The following SLC17A8 variants were observed in gnomAD, a reference collection of about 807,000 sequenced individuals.
SLC17A8 encodes solute carrier family 17 member 8, also known as vesicular glutamate transporter 3.
Under a neutral mutation model 58.0 loss-of-function variants are expected in SLC17A8, and 31 were observed. That is an observed-to-expected ratio of 0.53 (90% CI 0.40 to 0.72). The LOEUF (loss-of-function observed/expected upper bound fraction) is 0.72. Among genes scored for constraint, SLC17A8 ranks in the 30% least tolerant of loss-of-function variants. The probability of loss-of-function intolerance (pLI) is 0.00; values close to 1 mark genes in which losing one functional copy is unlikely to be tolerated. For synonymous variants in SLC17A8, 228 were observed against 249.0 expected, an observed-to-expected ratio of 0.92 and a Z score of 0.79; for missense variants, 655 against 727.8, an observed-to-expected ratio of 0.90 and a Z score of 1.15.
intron 5 of SLC17A8, among the ~76,000 whole-genome samples, chr12:100,397,013 C>T (rs1189009139): frequency 6.6e-6 from 1 of 152,076 alleles, no homozygotes; most frequent in Non-Finnish European, 1.5e-5. Context: ...AAAAGCTTTC[C>T]CAAAGCCCCC....
chr12:100,380,889 G>T lies in SLC17A8; in HGVS notation c.290G>T (p.Gly97Val), dbSNP rs1038874295. 6.2e-7 allele frequency: 1 copy of T among 1,614,024 alleles called. No individual in the cohort carries two copies. Among genetic ancestry groups the T allele is most frequent in the Non-Finnish European group, 8.5e-7 (1 of 1,180,062 alleles). The change falls in exon 2 of 12, where the codon GGA (glycine) becomes GTA (valine). Residue 97 changes from glycine to valine, a missense_variant. Physicochemically the swap from Gly to Val is moderately radical, Grantham distance 109 (BLOSUM62 -3). Coordinates refer to ENST00000323346, the MANE Select transcript of SLC17A8 (RefSeq NM_139319.3). ...TCCTTTGGGATCCGGTGCAATCTTG[G>T]AGTTGCCATTGTGGAAATGGTCAAC... ...CISFGIRCNL[G>V]VAIVEMVNNS...
intron 1 of SLC17A8, among the ~76,000 whole-genome samples, chr12:100,379,891 G>T (rs1034184964): frequency 1.3e-5 from 2 of 151,968 alleles, no homozygotes; most frequent in Non-Finnish European, 2.9e-5. Flanking sequence ...CCTCCACTTA[G>T]TATTTTATTA....
chr12:100,374,153 C>T (rs977273055), intron 1 of SLC17A8, among the ~76,000 whole-genome samples: 3 of 152,114 alleles, frequency 2.0e-5, no homozygotes, highest in African/African-American at 7.2e-5. Flanking sequence ...TTATTTGCCC[C>T]CAAGTCACAC....
chr12:100,408,212 A>G (rs1312759072), intron 9 of SLC17A8, among the ~76,000 whole-genome samples: 1 of 152,216 alleles, frequency 6.6e-6, no homozygotes, highest in African/African-American at 2.4e-5. Flanking sequence ...TTATTTCCAT[A>G]GATTTTAATA....
intron 1 of SLC17A8, among the ~76,000 whole-genome samples, chr12:100,370,612 T>TAAA (rs61103377): frequency 0.01 from 1,293 of 126,946 alleles, 24 homozygotes; most frequent in African/African-American, 0.033. Flanking sequence ...ATCTAAATTC[T>TAAA]AAAAAAAAAA....
chr12:100,386,270 A>AT (rs1952673585), intron 2 of SLC17A8, among the ~76,000 whole-genome samples: 1 of 152,154 alleles, frequency 6.6e-6, no homozygotes, highest in Admixed American at 6.5e-5. Flanking sequence ...ATACAGGGCC[A>AT]TTTTTTTAAA....
intron 1 of SLC17A8, among the ~76,000 whole-genome samples, chr12:100,362,319 G>C (rs1952490134): frequency 6.6e-6 from 1 of 152,198 alleles, no homozygotes; most frequent in African/African-American, 2.4e-5. Flanking sequence ...AGCAGGAAGA[G>C]ATGTGTTTGG....
At chr12:100,378,498 TAGG>T (rs1434573506) in intron 1 of SLC17A8, among the ~76,000 whole-genome samples, 1 of 151,670 alleles carries the variant, frequency 6.6e-6, no homozygotes, top group African/African-American at 2.4e-5. Context: ...AAATGAGAAA[TAGG>T]AGGATAACTG....
At position 100,403,472 on chromosome 12, in the gene SLC17A8, A is replaced by T. The variant is rs185501342; in HGVS notation, c.1054-566A>T. Among the ~76,000 whole-genome samples the T allele has an allele frequency of 4.1e-3, 619 of 152,238 alleles. 6 individuals are homozygous for T. The highest frequency in any genetic ancestry group is 5.7e-3 in the Non-Finnish European group (386 of 68,002). ...CAACAGAGCAAGACTCTGTCTAAAAAAAAAAAAGAAGAAGAAAAAATAAAC... is the reference window on the plus strand; with the variant it reads ...CAACAGAGCAAGACTCTGTCTAAAATAAAAAAAGAAGAAGAAAAAATAAAC... On this transcript the variant is annotated intron_variant, in intron 8 of 11. Coordinates refer to ENST00000323346, the MANE Select transcript of SLC17A8 (RefSeq NM_139319.3).
intron 1 of SLC17A8, among the ~76,000 whole-genome samples, chr12:100,369,343 C>T (rs1952543753): frequency 6.6e-6 from 1 of 152,164 alleles, no homozygotes; most frequent in Non-Finnish European, 1.5e-5. Context: ...AGGATCAGGT[C>T]TGGATGCTGT....
At position 100,359,655 on chromosome 12, in the gene SLC17A8, G is replaced by A. The variant is rs77474486; in HGVS notation, c.101+2163G>A. 7.8e-3 allele frequency among the ~76,000 whole-genome samples: 1,180 copies of A among 152,252 alleles called. 38 individuals are homozygous for A. The East Asian group carries it at 0.1, about 13-fold the overall frequency. On this transcript the variant is annotated intron_variant, in intron 1 of 11. Coordinates refer to ENST00000323346, the MANE Select transcript of SLC17A8 (RefSeq NM_139319.3). ...GAGAGAAATTATTGGCAGAAGAAAC[G>A]AAAACAGACATTGCTTGAGCGGTGA...
chr12:100,370,819 G>T (rs1228296128), intron 1 of SLC17A8, among the ~76,000 whole-genome samples: 1 of 152,112 alleles, frequency 6.6e-6, no homozygotes, highest in Non-Finnish European at 1.5e-5. Context: ...TGCTTAAATG[G>T]GGGGATAGGA....
intron 9 of SLC17A8, among the ~76,000 whole-genome samples, chr12:100,406,610 A>G (rs1368594475): frequency 6.6e-6 from 1 of 150,646 alleles, no homozygotes; most frequent in Admixed American, 6.6e-5. Flanking sequence ...ATCTCAGCTC[A>G]CTGCAACCTC....
chr12:100,414,651 C>T (rs1458423337), intron 10 of SLC17A8, among the ~76,000 whole-genome samples: 1 of 152,076 alleles, frequency 6.6e-6, no homozygotes, highest in African/African-American at 2.4e-5. Context: ...AGTGTCCATC[C>T]CCATAAAGTT....
At chr12:100,381,568 CAGAGAGAG>C (rs112159680) in intron 2 of SLC17A8, among the ~76,000 whole-genome samples, 3 of 148,916 alleles carry the variant, frequency 2.0e-5, no homozygotes, top group Non-Finnish European at 4.5e-5. Context: ...AAGAAAGAGA[CAGAGAGAG>C]AGAGAGAGAG....
In SLC17A8 at chr12:100,396,258, C is replaced by A. The variant is rs552918133; in HGVS notation, c.589-72C>A. On this transcript the variant is annotated intron_variant, in intron 4 of 11. Transcript: ENST00000323346. ...TTATATTGTAGCCTGTGTGAAGAAGCAGCATCCATATTTTAAACACAAGCA... is the reference window on the plus strand; with the variant it reads ...TTATATTGTAGCCTGTGTGAAGAAGAAGCATCCATATTTTAAACACAAGCA... The A allele has an allele frequency of 3.1e-4, 369 of 1,177,816 alleles. 1 individual carries two copies. In the South Asian group the frequency reaches 3.5e-3, roughly 11 times the overall value. The allele number at this position is 1,177,816 out of a possible 1,614,324, so 73.0% of individuals were successfully genotyped here.
At chr12:100,380,125 G>A (rs1358833549) in intron 1 of SLC17A8, among the ~76,000 whole-genome samples, 2 of 151,324 alleles carry the variant, frequency 1.3e-5, no homozygotes, top group Non-Finnish European at 2.9e-5. Context: ...CTTGAACCTG[G>A]GAAGCAGAGG....
intron 1 of SLC17A8, among the ~76,000 whole-genome samples, chr12:100,369,397 T>C (rs1952544129): frequency 6.6e-6 from 1 of 152,172 alleles, no homozygotes; most frequent in Admixed American, 6.5e-5. Context: ...TTCTAGACTG[T>C]TCTGGATAAA....
chr12:100,395,756 G>A (rs555404102), intron 4 of SLC17A8, among the ~76,000 whole-genome samples: 1 of 152,228 alleles, frequency 6.6e-6, no homozygotes, highest in South Asian at 2.1e-4. Context: ...GGGATTACAG[G>A]CATGCACCAC....
Sources: gnomAD v4.1 joint callset for allele counts (sites outside exome capture counted in the v4.1 genomes callset) on GRCh38, gnomAD v4.1.1 for gene constraint, MANE v1.5 for transcripts, NCBI Gene and HGNC (gene_info 2026-07-23, HGNC 2026-07-21) for gene names.